The following URB1 variants were observed in gnomAD, a reference collection of about 807,000 sequenced individuals.
URB1 encodes URB1 ribosome biogenesis factor.
A neutral mutation model predicts 242.3 loss-of-function variants in URB1; 197 were observed. The ratio of observed to expected loss-of-function variants is 0.81; its 90% CI spans 0.72 to 0.91. URB1 has a LOEUF of 0.91. URB1 is among the 40% of genes least tolerant of loss of function. URB1 has a pLI of 0.00. For synonymous variants in URB1, 1,153 were observed against 1,201.8 expected, an observed-to-expected ratio of 0.96 and a Z score of 0.84; for missense variants, 2,721 against 2,860.5, an observed-to-expected ratio of 0.95 and a Z score of 1.11.
chr21:32,365,177 G>A (rs1023738377), intron 10 of URB1, among the ~76,000 whole-genome samples: 1 of 152,242 alleles, frequency 6.6e-6, no homozygotes, highest in Non-Finnish European at 1.5e-5. Flanking sequence ...GGGTGTGGCG[G>A]CTCAGACTTG....
Position 32,346,993 on chromosome 21 carries a change from C to A in URB1, c.3831G>T (p.Gln1277His). 2 of 1,539,756 alleles carry A rather than the reference C, an allele frequency of 1.3e-6. No individual in the cohort carries two copies. The highest frequency in any genetic ancestry group is 1.8e-6 in the Non-Finnish European group (2 of 1,138,398). The part of the protein sequence containing the change: ...DFLPLIHVYL[Q>H]CRTRSHFTRP... ...GTGTGAAGTGGCTCCGTGTCCTGCA[C>A]TGGAGGTACACATGGATGAGGGGAA... is the stretch of plus-strand genomic sequence containing the variant. The change falls in exon 22 of 39, where the codon CAG (glutamine) becomes CAT (histidine). Residue 1277 changes from glutamine (Q) to histidine (H), a missense_variant. Coordinates refer to ENST00000382751, the MANE Select transcript of URB1 (RefSeq NM_014825.3).
At chr21:32,392,676 C>T (rs1366008043) in intron 1 of URB1, 93 bp downstream of exon 1, 5 of 1,339,876 alleles carry the variant, frequency 3.7e-6, no homozygotes, top group Non-Finnish European at 4.8e-6. Context: ...CTATGTGACC[C>T]GAAAGCTGCA....
intron 15 of URB1, among the ~76,000 whole-genome samples, chr21:32,357,229 A>C (rs1445162981): frequency 6.6e-6 from 1 of 151,896 alleles, no homozygotes; most frequent in Non-Finnish European, 1.5e-5. Flanking sequence ...CCAGAGCCTG[A>C]GAAGGAGGAA....
At chr21:32,352,965 T>A in intron 18 of URB1, 59 bp from the exon 19 acceptor site, 20 of 1,464,742 alleles carry the variant, frequency 1.4e-5, no homozygotes, top group Non-Finnish European at 1.7e-5. Flanking sequence ...TTCTGTGACC[T>A]ACCAACACCA....
chr21:32,343,615 C>G (rs1257330597), intron 24 of URB1, among the ~76,000 whole-genome samples: 1 of 152,064 alleles, frequency 6.6e-6, no homozygotes, highest in Non-Finnish European at 1.5e-5. Flanking sequence ...ACATGAAGTA[C>G]ACATATTTCT....
intron 15 of URB1, 66 bp from the exon 16 acceptor site, chr21:32,355,631 C>T (rs1223082890): frequency 7.1e-6 from 9 of 1,274,118 alleles, no homozygotes; most frequent in Non-Finnish European, 1.0e-5. Context: ...TTCTTTGAGA[C>T]AGGGCCTCAC....
chr21:32,347,642 G>A lies in URB1; in HGVS notation c.3182C>T (p.Pro1061Leu), dbSNP rs568972252. Residue 1061 changes from proline (P) to leucine (L), a missense_variant, in exon 22 of 39, where the codon CCG becomes CTG. By Grantham distance (98) the Pro-to-Leu change is moderately conservative (BLOSUM62 -3). Coordinates refer to ENST00000382751, the MANE Select transcript of URB1 (RefSeq NM_014825.3). The stretch of plus-strand genomic sequence containing the variant: ...CAGCTGCCCAATGTTCTGGAGGATC[G>A]GGGCACTTGCTGCCAGCAGCTGAAG... ...GVLQLLAASA[P>L]ILQNIGQLGL... is the part of the protein sequence containing the mutation. 27 of 1,551,648 alleles carry A rather than the reference G, an allele frequency of 1.7e-5. No homozygotes were observed. The highest frequency in any genetic ancestry group is 1.5e-4 in the East Asian group (6 of 40,910).
intron 16 of URB1, 134 bp from the exon 17 acceptor site, chr21:32,355,131 A>C (rs1192143583): frequency 8.3e-7 from 1 of 1,201,900 alleles, no homozygotes; most frequent in African/African-American, 1.5e-5. Context: ...TTTACTATGA[A>C]ATTGGGCCTA....
chr21:32,365,014 G>A (rs1380303109), intron 10 of URB1, among the ~76,000 whole-genome samples: 6 of 152,258 alleles, frequency 3.9e-5, no homozygotes, highest in South Asian at 4.1e-4. Context: ...GAGCCACTCC[G>A]TGCAGGAGCT....
rs1207122875 is a variant in URB1, at chr21:32,322,604, G to T, written c.5234-20C>A. ...GCTCCTCTGAGAACACAGGCAGTCA[G>T]TCAGTCATGGCAGGCCCCAGCAGGA... On this transcript the variant is annotated intron_variant, in intron 32 of 38. Coordinates refer to ENST00000382751, the MANE Select transcript of URB1 (RefSeq NM_014825.3). The T allele has an allele frequency of 9.7e-6, 15 of 1,539,814 alleles. No individual in the cohort carries two copies. In the East Asian group the frequency reaches 3.4e-4, roughly 35 times the overall value.
chr21:32,324,620 A>T lies in URB1; in HGVS notation c.5122-18T>A, dbSNP rs552828358. The T allele has an allele frequency of 1.7e-4, 258 of 1,530,242 alleles. No homozygotes were observed. In the African/African-American group the frequency reaches 3.2e-3, roughly 19 times the overall value. 94.8% of individuals were successfully genotyped at this position (1,530,242 alleles called of 1,614,324 possible). ...TAAAGTAGCTTGAAAACAGAACAGA[A>T]AAGGAAAATGTAAGATGAGCGTGTT... is the stretch of plus-strand genomic sequence containing the variant. On this transcript the variant is annotated intron_variant, in intron 31 of 38. Coordinates refer to ENST00000382751, the MANE Select transcript of URB1 (RefSeq NM_014825.3).
intron 25 of URB1, 25 bp downstream of exon 25, chr21:32,341,441 C>T (rs2033028111): frequency 1.2e-5 from 18 of 1,550,476 alleles, no homozygotes; most frequent in Non-Finnish European, 1.6e-5. Flanking sequence ...TACCGAAGGG[C>T]ACCAAGAAAA....
At chr21:32,329,053 G>C (rs1048026247) in intron 30 of URB1, among the ~76,000 whole-genome samples, 2 of 151,538 alleles carry the variant, frequency 1.3e-5, no homozygotes, top group Non-Finnish European at 2.9e-5. Flanking sequence ...GAGGTGGGAG[G>C]ATTACTTGGG....
chr21:32,316,951 G>C lies in URB1; in HGVS notation c.6149C>G (p.Ser2050Cys). The C allele has an allele frequency of 1.3e-6, 2 of 1,551,754 alleles. No homozygotes were observed. Among genetic ancestry groups the C allele is most frequent in the Non-Finnish European group, 1.7e-6 (2 of 1,147,002 alleles). Residue 2050 changes from serine to cysteine, a missense_variant, in exon 38 of 39, where the codon TCT becomes TGT. Physicochemically the swap from Ser to Cys is moderately radical, Grantham distance 112. Transcript: ENST00000382751. ...EEMADPELMA[S>C]TLETCKGLLR... The stretch of plus-strand genomic sequence containing the variant: ...GAGGCCCTTGCATGTCTCCAAGGTA[G>C]ATGCCATCAGCTCAGGGTCAGCCAT...
At position 32,347,548 on chromosome 21, in the gene URB1, C is replaced by T. The variant is rs568281915; in HGVS notation, c.3276G>A (p.Ala1092=). Residue 1092 remains alanine, a synonymous_variant, in exon 22 of 39, where the codon GCG becomes GCA. Transcript: ENST00000382751. ...SVLKELQNRR[A]GPATSPPKTP... is the part of the protein sequence containing the mutation. ...TCTTTGGTGGTGATGTGGCCGGGCC[C>T]GCCCTCCTGTTCTGAAGTTCCTTCA... 2.6e-6 allele frequency: 4 copies of T among 1,551,086 alleles called. No homozygotes were observed. The highest frequency in any genetic ancestry group is 1.4e-5 in the African/African-American group (1 of 73,050).
rs114001240 is a variant in URB1, at chr21:32,348,880, T to C, written c.3012+424A>G. ...ACAGGTTACATGGCAAACTGTGAAA[T>C]AGTCATCTTGGCCCCAATTAAACAG... On this transcript the variant is annotated intron_variant, in intron 21 of 38. Transcript: ENST00000382751. 4.4e-3 allele frequency among the ~76,000 whole-genome samples: 676 copies of C among 152,352 alleles called. 3 individuals are homozygous for C. Among genetic ancestry groups the C allele is most frequent in the African/African-American group, 0.015 (605 of 41,570 alleles).
At chr21:32,348,356 A>G (rs993372328) in intron 21 of URB1, among the ~76,000 whole-genome samples, 1 of 152,080 alleles carries the variant, frequency 6.6e-6, no homozygotes, top group Non-Finnish European at 1.5e-5. Flanking sequence ...GGATTAAACC[A>G]CCGTGTGTCT....
chr21:32,323,605 A>G (rs1031959818), intron 32 of URB1, among the ~76,000 whole-genome samples: 1 of 152,228 alleles, frequency 6.6e-6, no homozygotes, highest in African/African-American at 2.4e-5. Context: ...TCAATGATGA[A>G]TAATGGCGGT....
rs560040943 is a variant in URB1 at position 32,388,188 on chromosome 21, T to C, written c.143-2504A>G. 2.6e-5 allele frequency among the ~76,000 whole-genome samples: 4 copies of C among 152,324 alleles called. No homozygotes were observed. The East Asian group carries it at 7.7e-4, about 29-fold the overall frequency. On this transcript the variant is annotated intron_variant, in intron 1 of 38. Transcript: ENST00000382751. ...CACAAATCCCCGCTCAGTCACTTAC[T>C]AGCTGCATGGTACTCAGTAAGGCAC...
Sources: gnomAD v4.1 joint callset for allele counts (sites outside exome capture counted in the v4.1 genomes callset) on GRCh38, gnomAD v4.1.1 for gene constraint, MANE v1.5 for transcripts, NCBI Gene and HGNC (gene_info 2026-07-23, HGNC 2026-07-21) for gene names.